The following SIPA1L2 variants were observed in gnomAD, a reference collection of about 807,000 sequenced individuals.
SIPA1L2 encodes signal-induced proliferation-associated 1-like protein 2.
Under a neutral mutation model 163.9 loss-of-function variants are expected in SIPA1L2, and 56 were observed. The ratio of observed to expected loss-of-function variants is 0.34; its 90% CI spans 0.28 to 0.43. The LOEUF is 0.43. Ranked by LOEUF, SIPA1L2 falls within the 20% of genes least tolerant of loss-of-function variation. The pLI, the probability that SIPA1L2 is intolerant of heterozygous loss-of-function variation, is 1.00. For synonymous variants in SIPA1L2, 877 were observed against 865.7 expected (o/e 1.01, Z -0.23); for missense variants, 1,974 against 2,193.5 (o/e 0.90, Z 2.00).
intron 2 of SIPA1L2, among the ~76,000 whole-genome samples, chr1:232,533,126 A>C (rs930785555): frequency 1.3e-5 from 2 of 152,186 alleles, no homozygotes; most frequent in East Asian, 3.9e-4. Context: ...ATTTGTTAAA[A>C]ACACAAATTC....
chr1:232,421,821 C>T (rs1057472009), intron 18 of SIPA1L2, among the ~76,000 whole-genome samples: 17 of 152,316 alleles, frequency 1.1e-4, no homozygotes, highest in African/African-American at 2.9e-4. Flanking sequence ...TTGTGATGTG[C>T]GTAGGTCAGA....
At chr1:232,430,187 AG>A (rs1299967207) in intron 16 of SIPA1L2, among the ~76,000 whole-genome samples, 3 of 152,170 alleles carry the variant, frequency 2.0e-5, no homozygotes. Flanking sequence ...TATGTTCTGC[AG>A]GCTGAGATGA....
intron 11 of SIPA1L2, among the ~76,000 whole-genome samples, chr1:232,445,160 C>T (rs2102872248): frequency 6.6e-6 from 1 of 152,338 alleles, no homozygotes; most frequent in South Asian, 2.1e-4. Flanking sequence ...TATTTAAGCA[C>T]TGATTGTTCA....
chr1:232,502,957 C>T (rs6686543), intron 3 of SIPA1L2, among the ~76,000 whole-genome samples: 62,087 of 152,138 alleles, frequency 0.41, 14,228 homozygotes, highest in East Asian at 0.85. Flanking sequence ...ATCCTGCATC[C>T]CCCTTTCAGG....
intron 2 of SIPA1L2, among the ~76,000 whole-genome samples, chr1:232,572,101 A>G (rs1659763942): frequency 6.6e-6 from 1 of 152,190 alleles, no homozygotes; most frequent in Non-Finnish European, 1.5e-5. Context: ...TATACACCTG[A>G]CTAAGGAAAA....
intron 1 of SIPA1L2, among the ~76,000 whole-genome samples, chr1:232,607,599 A>G (rs1661994689): frequency 6.6e-6 from 1 of 152,172 alleles, no homozygotes; most frequent in Non-Finnish European, 1.5e-5. Context: ...TGGAGCACTC[A>G]GCATTAACGA....
rs577905624 is a variant in SIPA1L2 at position 232,400,721 on chromosome 1, C to T, written c.5023-1448G>A. Among the ~76,000 whole-genome samples the T allele has an allele frequency of 5.9e-5, 9 of 152,268 alleles. No homozygotes were observed. In the South Asian group the frequency reaches 1.9e-3, roughly 32 times the overall value. On this transcript the variant is annotated intron_variant, in intron 22 of 22. Coordinates refer to ENST00000674635, the MANE Select transcript of SIPA1L2 (RefSeq NM_020808.5). ...CTCCTGTCATCTGTGTTGATGATTT[C>T]GAATCCACTGAGATATTCCATCTGA...
chr1:232,521,738 G>C (rs955727783), intron 2 of SIPA1L2, among the ~76,000 whole-genome samples: 2 of 152,160 alleles, frequency 1.3e-5, no homozygotes, highest in East Asian at 3.9e-4. Flanking sequence ...CTTTTGGTCT[G>C]CTGGCTGGCT....
At chr1:232,501,132 A>G (rs1666458475) in intron 3 of SIPA1L2, among the ~76,000 whole-genome samples, 1 of 130,734 alleles carries the variant, frequency 7.6e-6, no homozygotes, top group Admixed American at 9.9e-5. Flanking sequence ...ATCTTGGCTC[A>G]CTGCAAGCTC....
intron 5 of SIPA1L2, among the ~76,000 whole-genome samples, chr1:232,486,301 A>G (rs73095139): frequency 0.011 from 1,604 of 152,242 alleles, 32 homozygotes; most frequent in African/African-American, 0.037. Context: ...AGGCCAAACA[A>G]CTGGACAACT....
At chr1:232,468,010 T>C (rs946339941) in intron 8 of SIPA1L2, among the ~76,000 whole-genome samples, 1 of 152,204 alleles carries the variant, frequency 6.6e-6, no homozygotes, top group Non-Finnish European at 1.5e-5. Flanking sequence ...ACTGTATTCT[T>C]GCACATCTCA....
At chr1:232,550,287 C>T (rs1049191746) in intron 2 of SIPA1L2, among the ~76,000 whole-genome samples, 2 of 152,156 alleles carry the variant, frequency 1.3e-5, no homozygotes, top group African/African-American at 4.8e-5. Flanking sequence ...TATATCAAGT[C>T]AAATATTTGC....
At chr1:232,461,511 C>T (rs184466669) in intron 9 of SIPA1L2, among the ~76,000 whole-genome samples, 159 of 152,294 alleles carry the variant, frequency 1.0e-3, no homozygotes, top group African/African-American at 3.6e-3. Flanking sequence ...AGATAATTCC[C>T]GTTTTTCCTT....
intron 1 of SIPA1L2, among the ~76,000 whole-genome samples, chr1:232,588,581 C>T (rs747523605): frequency 1.3e-5 from 2 of 152,140 alleles, no homozygotes; most frequent in East Asian, 1.9e-4. Flanking sequence ...ACATACATCT[C>T]GACCAAACTT....
intron 2 of SIPA1L2, among the ~76,000 whole-genome samples, chr1:232,525,874 G>A (rs995413556): frequency 6.6e-6 from 1 of 152,174 alleles, no homozygotes; most frequent in African/African-American, 2.4e-5. Flanking sequence ...TGAGCAAGCA[G>A]ACGCCTGGAT....
In SIPA1L2 at chr1:232,623,259, C is replaced by A. The variant is rs1662909937; in HGVS notation, c.-319+6610G>T. ...GCTGTCAATCTGAACTTTTAACATACCCTGATCCTGGGAATGCTTTCGTCT... is the reference window on the plus strand; with the variant it reads ...GCTGTCAATCTGAACTTTTAACATAACCTGATCCTGGGAATGCTTTCGTCT... On this transcript the variant is annotated intron_variant, in intron 1 of 22. Transcript: ENST00000674635. Among the ~76,000 whole-genome samples, 6 of 152,192 alleles carry A rather than the reference C, an allele frequency of 3.9e-5. No homozygotes were observed. In the South Asian group the frequency reaches 6.2e-4, roughly 16 times the overall value.
At chr1:232,555,346 C>A (rs113162445) in intron 2 of SIPA1L2, among the ~76,000 whole-genome samples, 3 of 152,124 alleles carry the variant, frequency 2.0e-5, no homozygotes, top group Non-Finnish European at 2.9e-5. Flanking sequence ...GCTTTGCCCC[C>A]CTAAAGCCAA....
intron 1 of SIPA1L2, among the ~76,000 whole-genome samples, chr1:232,594,870 C>A (rs2225690): frequency 0.028 from 4,257 of 152,248 alleles, 191 homozygotes; most frequent in African/African-American, 0.096. Flanking sequence ...TGTTCCACTG[C>A]GGCTACACTG....
intron 1 of SIPA1L2, among the ~76,000 whole-genome samples, chr1:232,583,144 G>T (rs546117169): frequency 6.6e-6 from 1 of 152,148 alleles, no homozygotes; most frequent in Non-Finnish European, 1.5e-5. Flanking sequence ...GAAAAGTCAT[G>T]ATGCTGCTTG....
Sources: gnomAD v4.1 joint callset for allele counts (sites outside exome capture counted in the v4.1 genomes callset) on GRCh38, gnomAD v4.1.1 for gene constraint, MANE v1.5 for transcripts, NCBI Gene and HGNC (gene_info 2026-07-23, HGNC 2026-07-21) for gene names.